The following PLAC9 variants were observed in gnomAD, a reference collection of about 807,000 sequenced individuals.
The protein encoded by PLAC9 is placenta-specific protein 9.
A neutral mutation model predicts 11.5 loss-of-function variants in PLAC9; 12 were observed. The observed-to-expected ratio is 1.05, with a 90% confidence interval of 0.67 to 1.69. PLAC9 has a LOEUF of 1.69. PLAC9 is among the 40% of genes most tolerant of loss of function. The pLI, the probability that PLAC9 is intolerant of heterozygous loss-of-function variation, is 0.00. For synonymous variants in PLAC9, 62 were observed against 58.1 expected (o/e 1.07, Z -0.31); for missense variants, 132 against 130.5 (o/e 1.01, Z -0.06).
intron 1 of PLAC9, among the ~76,000 whole-genome samples, chr10:80,136,313 G>C (rs1844974800): frequency 6.6e-6 from 1 of 152,172 alleles, no homozygotes; most frequent in African/African-American, 2.4e-5. Flanking sequence ...CAACTGGCAG[G>C]GCCTGGGAGA....
At chr10:80,141,717 C>G (rs1329505114) in intron 1 of PLAC9, among the ~76,000 whole-genome samples, 1 of 152,176 alleles carries the variant, frequency 6.6e-6, no homozygotes. Flanking sequence ...TCCAGTCTCT[C>G]TCTCCCGCCC....
rs1231339362 is a variant in PLAC9 at position 80,132,830 on chromosome 10, A to G, written c.64+4A>G. 1 of 1,493,644 alleles carries G rather than the reference A, an allele frequency of 6.7e-7. No individual in the cohort carries two copies. Among genetic ancestry groups the G allele is most frequent in the Non-Finnish European group, 8.9e-7 (1 of 1,129,016 alleles). The allele number at this position is 1,493,644 out of a possible 1,614,324, so 92.5% of individuals were successfully genotyped here. On this transcript the variant is annotated splice_donor_region_variant and intron_variant, in intron 1 of 3. Coordinates refer to ENST00000372263, the MANE Select transcript of PLAC9 (RefSeq NM_001012973.3). The stretch of plus-strand genomic sequence containing the variant: ...CGCGCCGCGGGCTCTTTGGCCGGTG[A>G]GTGGGGCGCAGGGCGCGGCAGGGGA...
intron 1 of PLAC9, 88 bp from the exon 2 acceptor site, chr10:80,141,994 T>G: frequency 9.4e-7 from 1 of 1,067,252 alleles, no homozygotes; most frequent in Non-Finnish European, 1.3e-6. Context: ...CTTTGAGGAC[T>G]GACCTCATTT....
intron 2 of PLAC9, among the ~76,000 whole-genome samples, chr10:80,142,419 G>A (rs1453558824): frequency 6.6e-6 from 1 of 152,104 alleles, no homozygotes; most frequent in Non-Finnish European, 1.5e-5. Flanking sequence ...ATTACTGGAT[G>A]GGAAGGTGGA....
intron 1 of PLAC9, among the ~76,000 whole-genome samples, chr10:80,134,679 A>G (rs1233407428): frequency 6.6e-6 from 1 of 152,204 alleles, no homozygotes; most frequent in Non-Finnish European, 1.5e-5. Flanking sequence ...GTGTGATTGA[A>G]TATCATTAAA....
chr10:80,143,702 C>G (rs1845067479), intron 2 of PLAC9, among the ~76,000 whole-genome samples: 1 of 152,102 alleles, frequency 6.6e-6, no homozygotes. Flanking sequence ...CGGCCTAATA[C>G]TTGAATAATA....
At chr10:80,143,679 G>T (rs1314929754) in intron 2 of PLAC9, among the ~76,000 whole-genome samples, 2 of 152,130 alleles carry the variant, frequency 1.3e-5, no homozygotes, top group Admixed American at 6.5e-5. Context: ...TTACAGGCGT[G>T]AGCCACCACG....
At chr10:80,142,684 C>T (rs1845054519) in intron 2 of PLAC9, among the ~76,000 whole-genome samples, 2 of 152,040 alleles carry the variant, frequency 1.3e-5, no homozygotes, top group South Asian at 4.1e-4. Flanking sequence ...GTTATTAGGC[C>T]TGATGTTAAA....
chr10:80,143,836 A>C (rs1360556156), intron 2 of PLAC9, among the ~76,000 whole-genome samples: 1 of 152,212 alleles, frequency 6.6e-6, no homozygotes, highest in Non-Finnish European at 1.5e-5. Flanking sequence ...ATACACAGGG[A>C]AAAACCATTA....
chr10:80,138,260 C>A (rs953144682), intron 1 of PLAC9, among the ~76,000 whole-genome samples: 1 of 152,206 alleles, frequency 6.6e-6, no homozygotes, highest in Non-Finnish European at 1.5e-5. Context: ...TCTCCACCAT[C>A]CCCACTGAGG....
At chr10:80,132,272 T>C, upstream of PLAC9, among the ~76,000 whole-genome samples, 1 of 152,228 alleles carries the variant, frequency 6.6e-6, no homozygotes, top group Non-Finnish European at 1.5e-5. Flanking sequence ...ATTAATTTCT[T>C]GTTCGTAGGT....
chr10:80,145,206 A>G lies in PLAC9; in HGVS notation c.*296A>G. The G allele has an allele frequency of 1.8e-6, 1 of 545,596 alleles. No individual in the cohort carries two copies. Among genetic ancestry groups the G allele is most frequent in the East Asian group, 3.3e-5 (1 of 29,934 alleles). 33.8% of individuals were successfully genotyped at this position (545,596 alleles called of 1,614,324 possible). ...GATTCACACAGATGGGGGCCCTTTG[A>G]GTGGCCTTGCTTCTCAAAATGTGGC... On this transcript the variant is annotated 3_prime_UTR_variant, in exon 4 of 4. Transcript: ENST00000372263.
At chr10:80,141,749 C>G in intron 1 of PLAC9, among the ~76,000 whole-genome samples, 1 of 152,170 alleles carries the variant, frequency 6.6e-6, no homozygotes, top group East Asian at 1.9e-4. Flanking sequence ...CCAGCCACCG[C>G]GGGCTCCCTG....
chr10:80,137,485 G>A lies in PLAC9; in HGVS notation c.65-4597G>A, dbSNP rs1052124338. 3.2e-4 allele frequency among the ~76,000 whole-genome samples: 48 copies of A among 152,314 alleles called. 2 individuals are homozygous for A. Among genetic ancestry groups the A allele is most frequent in the Admixed American group, 2.2e-3 (33 of 15,294 alleles). On this transcript the variant is annotated intron_variant, in intron 1 of 3. Coordinates refer to ENST00000372263, the MANE Select transcript of PLAC9 (RefSeq NM_001012973.3). ...GCCTCTGGACAGAGCCAGCAGGGGG[G>A]TATGTGTATCCACAGACTCATGACA...
At chr10:80,134,674 A>G (rs1346625508) in intron 1 of PLAC9, among the ~76,000 whole-genome samples, 1 of 152,202 alleles carries the variant, frequency 6.6e-6, no homozygotes, top group African/African-American at 2.4e-5. Flanking sequence ...ACTGTGTGTG[A>G]TTGAATATCA....
At chr10:80,132,642 G>A, upstream of PLAC9, 1 of 787,952 alleles carries the variant, frequency 1.3e-6, no homozygotes, top group South Asian at 2.2e-5. Context: ...GAGCCAGAAA[G>A]TCCGGAGCCG....
chr10:80,139,212 A>G (rs1845013557), intron 1 of PLAC9, among the ~76,000 whole-genome samples: 2 of 152,098 alleles, frequency 1.3e-5, no homozygotes, highest in Admixed American at 6.6e-5. Flanking sequence ...TCGGCCTCCC[A>G]AAGTGCTGGG....
At chr10:80,142,349 C>T (rs1845050473) in intron 2 of PLAC9, among the ~76,000 whole-genome samples, 170 bp downstream of exon 2, 1 of 152,106 alleles carries the variant, frequency 6.6e-6, no homozygotes. Flanking sequence ...GCTGCCCAGC[C>T]CCCAGTGGAC....
At chr10:80,132,927 G>T in intron 1 of PLAC9, 101 bp downstream of exon 1, 1 of 980,010 alleles carries the variant, frequency 1.0e-6, no homozygotes, top group Non-Finnish European at 1.4e-6. Context: ...GCTGGACACA[G>T]CAGCGAGATG....
Sources: allele counts gnomAD v4.1 joint callset (sites outside exome capture counted in the v4.1 genomes callset), GRCh38; gene constraint gnomAD v4.1.1; transcripts MANE v1.5; gene names NCBI Gene and HGNC (gene_info 2026-07-23, HGNC 2026-07-21).